Variants in C8orf34 observed in about 807,000 individuals in gnomAD.
The protein encoded by C8orf34 is uncharacterized protein C8orf34.
In C8orf34, 65 loss-of-function variants were observed where a neutral mutation model predicts 68.3. The ratio of observed to expected loss-of-function variants is 0.95; its 90% CI spans 0.78 to 1.17. C8orf34 has a LOEUF of 1.17. Ranked by LOEUF, C8orf34 falls within the 50% of genes most tolerant of loss-of-function variation. C8orf34 has a pLI of 0.00. For missense variants in C8orf34, 664 were observed against 655.4 expected, an observed-to-expected ratio of 1.01 and a Z score of -0.14; for synonymous variants, 244 against 241.2, an observed-to-expected ratio of 1.01 and a Z score of -0.11.
At chr8:68,512,199 A>T (rs191057010) in intron 5 of C8orf34, among the ~76,000 whole-genome samples, 5 of 152,344 alleles carry the variant, frequency 3.3e-5, no homozygotes, top group Admixed American at 2.0e-4. Context: ...TTTGTGGTTT[A>T]CCATAACTTA....
At chr8:68,803,336 T>C (rs551623718) in intron 12 of C8orf34, among the ~76,000 whole-genome samples, 1 of 152,192 alleles carries the variant, frequency 6.6e-6, no homozygotes, top group East Asian at 1.9e-4. Flanking sequence ...CAGAAATGTA[T>C]TACCAGATTA....
At chr8:68,567,387 G>C (rs1816622449) in intron 7 of C8orf34, among the ~76,000 whole-genome samples, 1 of 151,782 alleles carries the variant, frequency 6.6e-6, no homozygotes, top group Admixed American at 6.6e-5. Flanking sequence ...CATCTCTTCT[G>C]GCTTTTCTAG....
At chr8:68,762,867 G>T (rs1333412489) in intron 10 of C8orf34, among the ~76,000 whole-genome samples, 2 of 152,090 alleles carry the variant, frequency 1.3e-5, no homozygotes, top group African/African-American at 4.8e-5. Context: ...GTCCCCAAAG[G>T]GGCAAGGGTT....
chr8:68,490,735 C>T (rs1242397928), intron 5 of C8orf34, among the ~76,000 whole-genome samples: 1 of 152,010 alleles, frequency 6.6e-6, no homozygotes, highest in Non-Finnish European at 1.5e-5. Context: ...ACTTTTGCAT[C>T]TGATTTTTGG....
chr8:68,810,232 G>A (rs556154796), intron 12 of C8orf34, among the ~76,000 whole-genome samples: 11 of 152,288 alleles, frequency 7.2e-5, no homozygotes, highest in South Asian at 6.2e-4. Context: ...GTGAGTGAGC[G>A]GGCACAGGGT....
intron 8 of C8orf34, among the ~76,000 whole-genome samples, chr8:68,680,583 CA>C (rs1820339169): frequency 1.3e-5 from 2 of 151,894 alleles, no homozygotes; most frequent in Non-Finnish European, 2.9e-5. Flanking sequence ...CTTCAAAAGG[CA>C]AAAAGCAGAA....
intron 8 of C8orf34, among the ~76,000 whole-genome samples, chr8:68,687,376 T>C (rs943589277): frequency 2.1e-4 from 32 of 152,090 alleles, no homozygotes; most frequent in African/African-American, 7.7e-4. Context: ...TACAAGGCTA[T>C]AGCTCCCAAA....
chr8:68,473,011 A>G (rs576114227), intron 4 of C8orf34, among the ~76,000 whole-genome samples: 1 of 152,240 alleles, frequency 6.6e-6, no homozygotes, highest in East Asian at 1.9e-4. Flanking sequence ...GATTAACTCC[A>G]GACATCATTG....
chr8:68,444,745 T>A (rs1811052189), intron 2 of C8orf34, among the ~76,000 whole-genome samples: 1 of 152,170 alleles, frequency 6.6e-6, no homozygotes, highest in East Asian at 1.9e-4. Context: ...AAAAATATCA[T>A]TGCTAAATTA....
At chr8:68,798,180 G>A (rs1376507117) in intron 12 of C8orf34, among the ~76,000 whole-genome samples, 2 of 151,352 alleles carry the variant, frequency 1.3e-5, no homozygotes, top group Admixed American at 6.6e-5. Flanking sequence ...ATAGAGACAA[G>A]GTCTTGCTAT....
intron 1 of C8orf34, among the ~76,000 whole-genome samples, chr8:68,376,940 C>A (rs1249072630): frequency 6.6e-6 from 1 of 152,150 alleles, no homozygotes; most frequent in Non-Finnish European, 1.5e-5. Context: ...TGTCTGTAAT[C>A]TAGGGATTTG....
chr8:68,612,198 A>G (rs1236820377), intron 7 of C8orf34, among the ~76,000 whole-genome samples: 1 of 152,066 alleles, frequency 6.6e-6, no homozygotes, highest in Non-Finnish European at 1.5e-5. Context: ...TAATATCACT[A>G]ACATTTATGG....
In C8orf34 at chr8:68,793,133, T is replaced by C. The variant is rs559185035; in HGVS notation, c.1549+5597T>C. On this transcript the variant is annotated intron_variant, in intron 12 of 13. Coordinates refer to ENST00000518698, the MANE Select transcript of C8orf34 (RefSeq NM_052958.4). ...TCTCAAATTGGAAAGCATAACAAAC[T>C]CTATTTATTTTGATATTCACATTGT... 5.0e-4 allele frequency among the ~76,000 whole-genome samples: 76 copies of C among 152,244 alleles called. 1 individual carries two copies. Among genetic ancestry groups the C allele is most frequent in the African/African-American group, 1.8e-3 (75 of 41,556 alleles).
intron 3 of C8orf34, among the ~76,000 whole-genome samples, chr8:68,464,421 A>C (rs1190674876): frequency 3.3e-5 from 5 of 151,890 alleles, no homozygotes; most frequent in Admixed American, 6.6e-5. Flanking sequence ...GCTACCAATG[A>C]CTTTCTTCAC....
At chr8:68,695,304 C>A (rs535232480) in intron 8 of C8orf34, among the ~76,000 whole-genome samples, 1 of 151,966 alleles carries the variant, frequency 6.6e-6, no homozygotes, top group African/African-American at 2.4e-5. Context: ...CCCGCCACCA[C>A]GTCTGGCTAA....
rs189373562 is a variant in C8orf34, at chr8:68,680,992, G to A, written c.1242-28002G>A. Among the ~76,000 whole-genome samples the A allele has an allele frequency of 5.8e-3, 879 of 152,134 alleles. 4 individuals are homozygous for A. Among genetic ancestry groups the A allele is most frequent in the African/African-American group, 0.02 (835 of 41,494 alleles). ...GTATTAATATTAATATTCCTTGCTA[G>A]GAAAAGAATTTAGTGATATCTTCCC... On this transcript the variant is annotated intron_variant, in intron 8 of 13. Transcript: ENST00000518698.
intron 1 of C8orf34, among the ~76,000 whole-genome samples, chr8:68,427,055 A>C (rs953619875): frequency 6.6e-6 from 1 of 152,196 alleles, no homozygotes; most frequent in East Asian, 1.9e-4. Context: ...GTAAAGATGT[A>C]AGAATGGGCA....
chr8:68,799,759 T>TAAG (rs1258493199), intron 12 of C8orf34, among the ~76,000 whole-genome samples: 1 of 152,200 alleles, frequency 6.6e-6, no homozygotes, highest in African/African-American at 2.4e-5. Flanking sequence ...GGCACACTGT[T>TAAG]TCTTAAGAGA....
At chr8:68,810,953 C>A (rs1824632346) in intron 12 of C8orf34, among the ~76,000 whole-genome samples, 2 of 152,166 alleles carry the variant, frequency 1.3e-5, no homozygotes, top group South Asian at 4.1e-4. Context: ...GCAGCCCAGC[C>A]CCCAGGCTTC....
Sources: allele counts gnomAD v4.1 joint callset (sites outside exome capture counted in the v4.1 genomes callset), GRCh38; gene constraint gnomAD v4.1.1; transcripts MANE v1.5; gene names NCBI Gene and HGNC (gene_info 2026-07-23, HGNC 2026-07-21).